Variants in PPARG observed in about 807,000 individuals in gnomAD.
PPARG encodes the protein peroxisome proliferator activated receptor gamma, also known as peroxisome proliferator-activated receptor gamma.
A neutral mutation model predicts 39.2 loss-of-function variants in PPARG; 17 were observed. That is an observed-to-expected ratio of 0.43 (90% CI 0.30 to 0.65). PPARG has a LOEUF of 0.65. PPARG is among the 30% of genes least tolerant of loss of function. The pLI is 0.13. For missense variants in PPARG, 406 were observed against 585.9 expected (o/e 0.69, Z 3.17); for synonymous variants, 223 against 215.7 (o/e 1.03, Z -0.30).
chr3:12,414,870 T>G (rs1575138862), intron 6 of PPARG, among the ~76,000 whole-genome samples: 1 of 152,170 alleles, frequency 6.6e-6, no homozygotes, highest in Non-Finnish European at 1.5e-5. Context: ...TGAAGTGAAT[T>G]TTTTGGTAAC....
intron 2 of PPARG, among the ~76,000 whole-genome samples, chr3:12,313,418 T>C (rs1007205738): frequency 1.8e-4 from 28 of 152,120 alleles, no homozygotes; most frequent in Admixed American, 1.3e-4. Flanking sequence ...TCAAAATGCT[T>C]TCAGATTCCA....
intron 7 of PPARG, among the ~76,000 whole-genome samples, chr3:12,421,071 A>G (rs2051243543): frequency 1.3e-5 from 2 of 152,204 alleles, no homozygotes; most frequent in South Asian, 4.1e-4. Flanking sequence ...TTTCACAGAA[A>G]GAAAAGTGAG....
intron 7 of PPARG, among the ~76,000 whole-genome samples, chr3:12,417,888 C>CTTTTTTTTTTTTTTTTTTTT (rs1240237792): frequency 4.7e-5 from 3 of 64,062 alleles, no homozygotes; most frequent in Admixed American, 1.6e-4. Context: ...TTTTTTTTTT[C>CTTTTTTTTTTTTTTTTTTTT]TTTTTTTTTT....
At chr3:12,418,112 G>A (rs1392438267) in intron 7 of PPARG, among the ~76,000 whole-genome samples, 2 of 151,792 alleles carry the variant, frequency 1.3e-5, no homozygotes, top group East Asian at 3.9e-4. Flanking sequence ...GACAACAGCT[G>A]CACACCAACA....
At chr3:12,413,914 C>T (rs1007055459) in intron 6 of PPARG, among the ~76,000 whole-genome samples, 1 of 151,900 alleles carries the variant, frequency 6.6e-6, no homozygotes, top group Non-Finnish European at 1.5e-5. Context: ...AAATCCTGAC[C>T]AACATCAATT....
At chr3:12,350,525 C>T (rs770492769) in intron 2 of PPARG, among the ~76,000 whole-genome samples, 4 of 152,078 alleles carry the variant, frequency 2.6e-5, no homozygotes, top group Non-Finnish European at 4.4e-5. Flanking sequence ...TTTGAAAGTC[C>T]GCAAAGTCAC....
At chr3:12,302,221 T>C (rs1487608022) in intron 1 of PPARG, among the ~76,000 whole-genome samples, 1 of 152,012 alleles carries the variant, frequency 6.6e-6, no homozygotes, top group East Asian at 1.9e-4. Context: ...CAGGATAGCC[T>C]CACGAAAAAT....
intron 4 of PPARG, among the ~76,000 whole-genome samples, chr3:12,391,123 T>A (rs1043232438): frequency 6.6e-6 from 1 of 152,220 alleles, no homozygotes; most frequent in African/African-American, 2.4e-5. Context: ...GAAAGGAAGT[T>A]ACGTGACATC....
intron 1 of PPARG, among the ~76,000 whole-genome samples, chr3:12,292,441 G>A (rs757338431): frequency 6.6e-6 from 1 of 152,100 alleles, no homozygotes; most frequent in Non-Finnish European, 1.5e-5. Context: ...AGACAGTTTA[G>A]TGTCACAACT....
chr3:12,372,832 G>C (rs2049270334), intron 2 of PPARG, among the ~76,000 whole-genome samples: 2 of 152,110 alleles, frequency 1.3e-5, no homozygotes, highest in South Asian at 4.1e-4. Context: ...TCTGCGCATT[G>C]ACTATAATAG....
At chr3:12,386,894 A>G (rs530150792) in intron 4 of PPARG, among the ~76,000 whole-genome samples, 38 of 78,590 alleles carry the variant, frequency 4.8e-4, no homozygotes, top group Non-Finnish European at 8.1e-4. Context: ...GATAGGCCCC[A>G]CTGTGTGATG....
At chr3:12,317,680 C>T (rs1259660499) in intron 2 of PPARG, among the ~76,000 whole-genome samples, 2 of 152,042 alleles carry the variant, frequency 1.3e-5, no homozygotes, top group Non-Finnish European at 2.9e-5. Context: ...AAAATATTTT[C>T]TTCAGATAAA....
intron 6 of PPARG, among the ~76,000 whole-genome samples, chr3:12,414,202 G>A (rs958793222): frequency 6.6e-6 from 1 of 152,180 alleles, no homozygotes; most frequent in Admixed American, 6.5e-5. Context: ...GGCAGTTCTG[G>A]GTACAGTCTT....
chr3:12,388,809 T>C (rs1174502238), intron 4 of PPARG, among the ~76,000 whole-genome samples: 1 of 151,904 alleles, frequency 6.6e-6, no homozygotes, highest in Non-Finnish European at 1.5e-5. Flanking sequence ...CAATAAACTA[T>C]TAGGAATAAC....
chr3:12,425,486 T>TATCTCTTCCTTTCCCTC (rs2051408384), intron 7 of PPARG, among the ~76,000 whole-genome samples: 1 of 152,124 alleles, frequency 6.6e-6, no homozygotes, highest in African/African-American at 2.4e-5. Context: ...GGTATTCCCT[T>TATCTCTTCCTTTCCCTC]ATCTCTTCCT....
rs1032264423 is a variant in PPARG at position 12,324,891 on chromosome 3, T to G, written c.-9+12438T>G. The stretch of plus-strand genomic sequence containing the variant: ...GCAAGGATGATATCCTGCTCTCTAC[T>G]GTGTCCTCAGCATCAAGGACAGTGC... On this transcript the variant is annotated intron_variant, in intron 2 of 7. Transcript: ENST00000651735. Among the ~76,000 whole-genome samples the G allele has an allele frequency of 5.3e-5, 8 of 152,308 alleles. No homozygotes were observed. In the South Asian group the frequency reaches 1.4e-3, roughly 28 times the overall value.
intron 7 of PPARG, among the ~76,000 whole-genome samples, chr3:12,429,697 T>C (rs900436639): frequency 6.6e-6 from 1 of 152,170 alleles, no homozygotes; most frequent in Non-Finnish European, 1.5e-5. Flanking sequence ...TGTCTTTAGA[T>C]GCACGTCTGC....
At chr3:12,401,616 GA>G (rs11337165) in intron 5 of PPARG, among the ~76,000 whole-genome samples, 99,772 of 140,728 alleles carry the variant, frequency 0.71, 34,736 homozygotes, top group African/African-American at 0.84. Context: ...CTGAAAGACA[GA>G]AAAAAAAAAA....
intron 2 of PPARG, among the ~76,000 whole-genome samples, chr3:12,359,114 A>G (rs1339790129): frequency 3.3e-5 from 5 of 152,152 alleles, no homozygotes; most frequent in African/African-American, 9.7e-5. Flanking sequence ...TGGTCTCTGT[A>G]CTTCCTTCTG....
Sources: gnomAD v4.1 joint callset for allele counts (sites outside exome capture counted in the v4.1 genomes callset) on GRCh38, gnomAD v4.1.1 for gene constraint, MANE v1.5 for transcripts, NCBI Gene and HGNC (gene_info 2026-07-23, HGNC 2026-07-21) for gene names.